KLHL11: variants seen among roughly 807,000 people sequenced by gnomAD.
KLHL11 encodes the protein kelch like family member 11.
KLHL11 carries 26 observed loss-of-function variants against 56.1 expected under a neutral mutation model. The observed-to-expected ratio is 0.46, with a 90% CI of 0.34 to 0.64. The LOEUF is 0.64. Among genes scored for constraint, KLHL11 ranks in the 30% least tolerant of loss-of-function variants. KLHL11 has a pLI of 0.01. For synonymous variants in KLHL11, 338 were observed against 345.8 expected (o/e 0.98, Z 0.25); for missense variants, 627 against 919.4 (o/e 0.68, Z 4.11).
intron 1 of KLHL11, among the ~76,000 whole-genome samples, chr17:41,861,735 T>C (rs2048404701): frequency 1.3e-5 from 2 of 148,464 alleles, no homozygotes; most frequent in African/African-American, 4.9e-5. Context: ...GACCCCTTTA[T>C]GAGAGGGAGG....
rs201471518 is a variant in KLHL11 at position 41,853,915 on chromosome 17, C to T, written c.1952G>A (p.Arg651His). The T allele has an allele frequency of 1.2e-6, 2 of 1,614,174 alleles. No homozygotes were observed. Among genetic ancestry groups the T allele is most frequent in the South Asian group, 1.1e-5 (1 of 91,088 alleles). The change falls in exon 2 of 2, where the codon CGT becomes CAT. Residue 651 changes from arginine (R) to histidine (H), a missense_variant. Coordinates refer to ENST00000319121, the MANE Select transcript of KLHL11 (RefSeq NM_018143.3). ...WMLLPPMPQP[R>H]CRATACHVRI... ...CACGTGACAAGCAGTGGCTCTACAA[C>T]GAGGTTGTGGCATAGGAGGAAGAAG...
rs561227043 is a variant in KLHL11 at position 41,848,773 on chromosome 17, C to T, written c.*4967G>A. On this transcript the variant is annotated 3_prime_UTR_variant, in exon 2 of 2. Transcript: ENST00000319121. Reference sequence around the variant, plus strand: ...AATGTTTATTTTACAAATAACTCAACGAGCCCAAGCACACGGATCATAAAA... The same window carrying T: ...AATGTTTATTTTACAAATAACTCAATGAGCCCAAGCACACGGATCATAAAA... 9 of 159,032 alleles carry T rather than the reference C, an allele frequency of 5.7e-5. No individual in the cohort carries two copies. Among genetic ancestry groups the T allele is most frequent in the Admixed American group, 5.3e-4 (9 of 16,890 alleles). The allele number at this position is 159,032 out of a possible 1,614,324, so 9.9% of individuals were successfully genotyped here.
intron 1 of KLHL11, among the ~76,000 whole-genome samples, chr17:41,858,736 C>A (rs1258575430): frequency 1.3e-5 from 2 of 151,734 alleles, no homozygotes; most frequent in Non-Finnish European, 3.0e-5. Flanking sequence ...GCCTGGCCAC[C>A]CAGATAATTT....
Position 41,853,331 on chromosome 17 carries a change from C to T in KLHL11, c.*409G>A, listed in dbSNP as rs1217854151. 1.3e-5 allele frequency among the ~76,000 whole-genome samples: 2 copies of T among 152,174 alleles called. No homozygotes were observed. The highest frequency in any genetic ancestry group is 4.8e-5 in the African/African-American group (2 of 41,448). On this transcript the variant is annotated 3_prime_UTR_variant, in exon 2 of 2. Transcript: ENST00000319121. ...GCTCAATGCAGAAGTCAGATCTTGC[C>T]AAAACCAATCATTTAATAAAAAATG...
At position 41,850,121 on chromosome 17, in the gene KLHL11, G is replaced by A. The variant is rs1341439744; in HGVS notation, c.*3619C>T. The A allele has an allele frequency of 1.3e-5, 2 of 152,142 alleles. No homozygotes were observed. The highest frequency in any genetic ancestry group is 2.9e-5 in the Non-Finnish European group (2 of 68,020). 9.4% of individuals were successfully genotyped at this position (152,142 alleles called of 1,614,324 possible). A position where few individuals can be genotyped will look rare whatever the true frequency, so the allele number is the denominator to read the frequency against. ...CTTAGAACCTTTCCAAATACTCTGGGAAGTTATTTCCAGTTTAGAATTTCA... is the reference window on the plus strand; with the variant it reads ...CTTAGAACCTTTCCAAATACTCTGGAAAGTTATTTCCAGTTTAGAATTTCA... On this transcript the variant is annotated 3_prime_UTR_variant, in exon 2 of 2. Coordinates refer to ENST00000319121, the MANE Select transcript of KLHL11 (RefSeq NM_018143.3).
chr17:41,854,240 T>A lies in KLHL11; in HGVS notation c.1627A>T (p.Ile543Phe). ...ATTTGGAAAAAGCAGTAATTGTCAATAAGCGGCAAAGATTCCACATCTTGC... is the reference window on the plus strand; with the variant it reads ...ATTTGGAAAAAGCAGTAATTGTCAAAAAGCGGCAAAGATTCCACATCTTGC... ...QWQDVESLPL[I>F]DNYCFFQMSV... The change falls in exon 2 of 2, where the codon ATT becomes TTT. Residue 543 changes from isoleucine to phenylalanine, a missense_variant. Coordinates refer to ENST00000319121, the MANE Select transcript of KLHL11 (RefSeq NM_018143.3). This position sits in a 1 kb window ranked among gnomAD's most constrained non-coding sequence, Gnocchi z 4.9. 1.9e-6 allele frequency: 3 copies of A among 1,614,212 alleles called. No individual in the cohort carries two copies. Among genetic ancestry groups the A allele is most frequent in the Non-Finnish European group, 2.5e-6 (3 of 1,180,044 alleles).
chr17:41,864,728 C>T, intron 1 of KLHL11, 98 bp downstream of exon 1: 1 of 1,248,676 alleles, frequency 8.0e-7, no homozygotes, highest in Non-Finnish European at 1.1e-6. Context: ...ACTCAGGACT[C>T]GCGAGCTGCC....
chr17:41,857,242 C>T (rs1282167104), intron 1 of KLHL11, among the ~76,000 whole-genome samples: 1 of 151,790 alleles, frequency 6.6e-6, no homozygotes, highest in Non-Finnish European at 1.5e-5. Context: ...CGCAGTGGCT[C>T]ACGCCTGTAA....
At chr17:41,858,856 G>T (rs1208021590) in intron 1 of KLHL11, among the ~76,000 whole-genome samples, 1 of 152,010 alleles carries the variant, frequency 6.6e-6, no homozygotes, top group Non-Finnish European at 1.5e-5. Context: ...TTACAGGTGT[G>T]AGCCACCATG....
Position 41,864,819 on chromosome 17 carries a change from C to A in KLHL11, c.545+7G>T. ...CCGCCCTCCGCGCTCCCGCCTCCCT[C>A]GCCTACCTGTCGGCCAACTCCAGCA... On this transcript the variant is annotated splice_region_variant and intron_variant, in intron 1 of 1. Coordinates refer to ENST00000319121, the MANE Select transcript of KLHL11 (RefSeq NM_018143.3). The A allele has an allele frequency of 6.7e-7, 1 of 1,497,734 alleles. No individual in the cohort carries two copies. The highest frequency in any genetic ancestry group is 1.3e-5 in the South Asian group (1 of 74,990). The allele number at this position is 1,497,734 out of a possible 1,614,324, so 92.8% of individuals were successfully genotyped here. A position where few individuals can be genotyped will look rare whatever the true frequency, so the allele number is the denominator to read the frequency against.
chr17:41,864,204 C>T (rs1393059697), intron 1 of KLHL11, among the ~76,000 whole-genome samples: 1 of 152,248 alleles, frequency 6.6e-6, no homozygotes, highest in African/African-American at 2.4e-5. Context: ...CTGCTCCCTA[C>T]AATCCGTTTA....
chr17:41,856,700 T>C (rs905230556), intron 1 of KLHL11, among the ~76,000 whole-genome samples: 2 of 118,202 alleles, frequency 1.7e-5, no homozygotes, highest in Non-Finnish European at 3.5e-5. Context: ...CTGGGAAACA[T>C]GGCAAAACCA....
intron 1 of KLHL11, among the ~76,000 whole-genome samples, chr17:41,863,685 T>C (rs952527518): frequency 5.3e-5 from 8 of 152,164 alleles, no homozygotes; most frequent in Non-Finnish European, 1.0e-4. Flanking sequence ...TGCATCCCTT[T>C]GATACAGCCA....
In KLHL11 at chr17:41,865,351, G is replaced by A. The variant is rs902428196; in HGVS notation, c.20C>T (p.Ala7Val). The A allele has an allele frequency of 6.9e-7, 1 of 1,442,290 alleles. No individual in the cohort carries two copies. Among genetic ancestry groups the A allele is most frequent in the Non-Finnish European group, 9.0e-7 (1 of 1,109,732 alleles). 89.3% of individuals were successfully genotyped at this position (1,442,290 alleles called of 1,614,324 possible). The change falls in exon 1 of 2, where the codon GCG (alanine) becomes GTG (valine). Residue 7 changes from alanine to valine, a missense_variant. Ala to Val is a moderately conservative substitution (Grantham distance 64). This residue lies in a region of KLHL11 where 121 missense variants were observed against 116.2 expected (regional missense o/e 1.04). Coordinates refer to ENST00000319121, the MANE Select transcript of KLHL11 (RefSeq NM_018143.3). ...AGCCGCGGCCGCCGCCGCCGCCGCC[G>A]CCACTGCCGCAGCCGCCATCTTGAC... Reference protein sequence around the residue: MAAAAVAAAAAAAAAAS... With the variant: MAAAAVVAAAAAAAAAS...
At position 41,850,944 on chromosome 17, in the gene KLHL11, C is replaced by G. The variant is rs1278921171; in HGVS notation, c.*2796G>C. 7 of 152,136 alleles carry G rather than the reference C, an allele frequency of 4.6e-5. No individual in the cohort carries two copies. Among genetic ancestry groups the G allele is most frequent in the African/African-American group, 1.7e-4 (7 of 41,420 alleles). 9.4% of individuals were successfully genotyped at this position (152,136 alleles called of 1,614,324 possible). On this transcript the variant is annotated 3_prime_UTR_variant, in exon 2 of 2. Transcript: ENST00000319121. ...CAAGTTCTTAGTATAGAGCCCAAGA[C>G]CTACAACTTGCAGCAAATAGCCAAA...
At chr17:41,858,606 G>T (rs187633172) in intron 1 of KLHL11, among the ~76,000 whole-genome samples, 1,768 of 151,994 alleles carry the variant, frequency 0.012, 18 homozygotes, top group Non-Finnish European at 0.013. Flanking sequence ...CTAAATTTTT[G>T]TATTTTTAGT....
At position 41,848,674 on chromosome 17, in the gene KLHL11, G is replaced by A; in HGVS notation, c.*5066C>T. 5.5e-6 allele frequency: 1 copy of A among 181,974 alleles called. No individual in the cohort carries two copies. The highest frequency in any genetic ancestry group is 1.2e-4 in the South Asian group (1 of 8,680). 11.3% of individuals were successfully genotyped at this position (181,974 alleles called of 1,614,324 possible). Reference sequence around the variant, plus strand: ...CTCCTCTGAGTTAAGGGGAGATAGTGAAGATTATATTTTCAGTAGAGTAGG... The same window carrying A: ...CTCCTCTGAGTTAAGGGGAGATAGTAAAGATTATATTTTCAGTAGAGTAGG... On this transcript the variant is annotated 3_prime_UTR_variant, in exon 2 of 2. Coordinates refer to ENST00000319121, the MANE Select transcript of KLHL11 (RefSeq NM_018143.3).
intron 1 of KLHL11, among the ~76,000 whole-genome samples, chr17:41,856,231 C>T (rs986479930): frequency 3.3e-5 from 5 of 152,154 alleles, no homozygotes; most frequent in African/African-American, 4.8e-5. Flanking sequence ...CCTCAAGCAT[C>T]CACCCACCTC....
rs2048335802 is a variant in KLHL11 at position 41,852,210 on chromosome 17, T to A, written c.*1530A>T. Among the ~76,000 whole-genome samples the A allele has an allele frequency of 6.6e-6, 1 of 151,898 alleles. No homozygotes were observed. The highest frequency in any genetic ancestry group is 1.5e-5 in the Non-Finnish European group (1 of 67,984). ...TTTTCTACTTTTTGTAGAGACAGGA[T>A]CTTGCTATGTTTCCCAGGCTGGTCT... On this transcript the variant is annotated 3_prime_UTR_variant, in exon 2 of 2. Coordinates refer to ENST00000319121, the MANE Select transcript of KLHL11 (RefSeq NM_018143.3).
Sources: allele counts gnomAD v4.1 joint callset (sites outside exome capture counted in the v4.1 genomes callset), GRCh38; gene constraint gnomAD v4.1.1; regional missense constraint gnomAD v4.1.1; non-coding constraint Gnocchi (gnomAD v3.1); transcripts MANE v1.5; gene names NCBI Gene and HGNC (gene_info 2026-07-23, HGNC 2026-07-21).